Variants in DNAH9 observed in about 807,000 individuals in gnomAD.
DNAH9 encodes the protein DNAH9 variant protein.
A neutral mutation model predicts 471.6 loss-of-function variants in DNAH9; 345 were observed. That is an observed-to-expected ratio of 0.73 (90% CI 0.67 to 0.80). The LOEUF is 0.80. Ranked by LOEUF, DNAH9 falls within the 30% of genes least tolerant of loss-of-function variation. The pLI is 0.00. For missense variants in DNAH9, 5,407 were observed against 5,609.2 expected, an observed-to-expected ratio of 0.96 and a Z score of 1.15; for synonymous variants, 2,093 against 2,123.6, an observed-to-expected ratio of 0.99 and a Z score of 0.40.
At chr17:11,920,270 A>T (rs1025703482) in intron 61 of DNAH9, among the ~76,000 whole-genome samples, 1 of 151,652 alleles carries the variant, frequency 6.6e-6, no homozygotes, top group African/African-American at 2.4e-5. Flanking sequence ...TCCCGACCTC[A>T]GGTGATCCAC....
At chr17:11,725,785 T>A (rs775934587) in intron 27 of DNAH9, among the ~76,000 whole-genome samples, 3 of 152,088 alleles carry the variant, frequency 2.0e-5, no homozygotes, top group Non-Finnish European at 4.4e-5. Context: ...CAGAATTGCT[T>A]GAACCTGGGA....
At chr17:11,882,728 AACAGGGTAAT>A (rs1972769163) in intron 55 of DNAH9, among the ~76,000 whole-genome samples, 1 of 152,246 alleles carries the variant, frequency 6.6e-6, no homozygotes, top group Non-Finnish European at 1.5e-5. Context: ...AAGAAAATAA[AACAGGGTAAT>A]ACTGGAAAGC....
intron 6 of DNAH9, among the ~76,000 whole-genome samples, chr17:11,629,093 T>A (rs1362804717): frequency 6.6e-6 from 1 of 152,170 alleles, no homozygotes; most frequent in African/African-American, 2.4e-5. Flanking sequence ...ACTCTTTTTT[T>A]TTTTTACTTC....
At position 11,945,902 on chromosome 17, in the gene DNAH9, CA is replaced by C. The variant is rs925748441; in HGVS notation, c.12843+3428del. 6.6e-3 allele frequency among the ~76,000 whole-genome samples: 937 copies of C among 142,854 alleles called. 9 individuals carry two copies. The highest frequency in any genetic ancestry group is 0.04 in the Middle Eastern group (11 of 278). 93.7% of individuals were successfully genotyped at this position (142,854 alleles called of 152,430 possible). On this transcript the variant is annotated intron_variant, in intron 67 of 68. Transcript: ENST00000262442. ...TGAAACCCCGTCTCTACTAAAAATA[CA>C]AAAAAAAAAATTAGCCGGGCGTAGT...
In DNAH9 at chr17:11,880,264, T is replaced by C. The variant is rs1375646595; in HGVS notation, c.10601+64T>C. 5 of 1,586,820 alleles carry C rather than the reference T, an allele frequency of 3.2e-6. No individual in the cohort carries two copies. In the African/African-American group the frequency reaches 5.4e-5, roughly 17 times the overall value. ...TGGTTCATGGCCCTGGTTAGAATCA[T>C]GAAGAGGTCTGCTCTTCCTAGAATT... On this transcript the variant is annotated intron_variant, in intron 54 of 68. Coordinates refer to ENST00000262442, the MANE Select transcript of DNAH9 (RefSeq NM_001372.4).
At chr17:11,936,154 G>A (rs901130644) in intron 65 of DNAH9, among the ~76,000 whole-genome samples, 4 of 152,158 alleles carry the variant, frequency 2.6e-5, no homozygotes, top group African/African-American at 9.7e-5. Flanking sequence ...CATCTACATA[G>A]AGTCCAGGCC....
intron 20 of DNAH9, 48 bp from the exon 21 acceptor site, chr17:11,693,820 G>T (rs2074379585): frequency 6.2e-7 from 1 of 1,611,036 alleles, no homozygotes; most frequent in African/African-American, 1.3e-5. Context: ...GGAGCTTCTA[G>T]GAACTGAGTG....
rs145063976 is a variant in DNAH9 at position 11,916,549 on chromosome 17, T to C, written c.11750-7265T>C. 2.7e-3 allele frequency among the ~76,000 whole-genome samples: 415 copies of C among 152,354 alleles called. 3 individuals carry two copies. The highest frequency in any genetic ancestry group is 0.014 in the Middle Eastern group (4 of 294). On this transcript the variant is annotated intron_variant, in intron 61 of 68. Transcript: ENST00000262442. ...CCTGATGGGCTCCTAGTCTCAAGTCTGGAATCCACATGGCTGATCTAAACA... is the reference window on the plus strand; with the variant it reads ...CCTGATGGGCTCCTAGTCTCAAGTCCGGAATCCACATGGCTGATCTAAACA...
rs374401567 is a variant in DNAH9 at position 11,883,538 on chromosome 17, G to C, written c.10807-48G>C. ...CTATTCAGACACATCCTTAGAGCAG[G>C]ATGCCCTGGGCATCTGCACCTGACT... On this transcript the variant is annotated intron_variant, in intron 55 of 68. Coordinates refer to ENST00000262442, the MANE Select transcript of DNAH9 (RefSeq NM_001372.4). The C allele has an allele frequency of 1.0e-5, 16 of 1,603,810 alleles. No homozygotes were observed. The African/African-American group carries it at 2.1e-4, about 21-fold the overall frequency.
rs772200118 is a variant in DNAH9, at chr17:11,680,737, A to G, written c.3591A>G (p.Lys1197=). ...VFKQLEELPE[K]WNNIKKVAIT... Reference sequence around the variant, plus strand: ...TTCCTTTGCAGGAGCTGCCTGAGAAATGGAACAACATAAAAAAGGTGGCCA... The same window carrying G: ...TTCCTTTGCAGGAGCTGCCTGAGAAGTGGAACAACATAAAAAAGGTGGCCA... Residue 1197 remains lysine (K), a synonymous_variant, in exon 19 of 69, where the codon AAA becomes AAG. Transcript: ENST00000262442. 3.7e-6 allele frequency: 6 copies of G among 1,613,936 alleles called. No individual in the cohort carries two copies. In the African/African-American group the frequency reaches 5.3e-5, roughly 14 times the overall value.
intron 67 of DNAH9, among the ~76,000 whole-genome samples, chr17:11,960,568 T>A (rs1046509869): frequency 2.0e-5 from 3 of 150,988 alleles, no homozygotes; most frequent in Non-Finnish European, 4.4e-5. Context: ...GAGACCAGCC[T>A]GGCCAACATG....
chr17:11,835,618 C>T (rs1295037330), intron 49 of DNAH9, among the ~76,000 whole-genome samples: 1 of 152,142 alleles, frequency 6.6e-6, no homozygotes, highest in African/African-American at 2.4e-5. Flanking sequence ...CAGTCAGACT[C>T]AAGTCATTAT....
chr17:11,610,013 G>A (rs548915842), intron 2 of DNAH9, among the ~76,000 whole-genome samples: 1 of 152,230 alleles, frequency 6.6e-6, no homozygotes, highest in Non-Finnish European at 1.5e-5. Context: ...TCGAGAGCTT[G>A]CTGTCACTGG....
chr17:11,605,520 A>G (rs1237106401), intron 1 of DNAH9, among the ~76,000 whole-genome samples: 2 of 151,780 alleles, frequency 1.3e-5, no homozygotes, highest in East Asian at 3.9e-4. Flanking sequence ...TTGTTTCGAG[A>G]CAGGGTCTCA....
At chr17:11,683,899 T>C (rs1325836960) in intron 19 of DNAH9, among the ~76,000 whole-genome samples, 1 of 152,238 alleles carries the variant, frequency 6.6e-6, no homozygotes, top group Non-Finnish European at 1.5e-5. Flanking sequence ...AATGGAATTG[T>C]AGATTTATCA....
intron 8 of DNAH9, among the ~76,000 whole-genome samples, chr17:11,634,772 G>A (rs1467640486): frequency 2.6e-5 from 4 of 152,168 alleles, no homozygotes; most frequent in African/African-American, 4.8e-5. Flanking sequence ...ATCTGGCCAA[G>A]GACCCCATAT....
chr17:11,958,742 AAAT>A (rs1294830579), intron 67 of DNAH9, among the ~76,000 whole-genome samples: 3 of 151,854 alleles, frequency 2.0e-5, no homozygotes, highest in Non-Finnish European at 4.4e-5. Context: ...AAAAAAAAAA[AAAT>A]AAAGTATATT....
intron 14 of DNAH9, among the ~76,000 whole-genome samples, chr17:11,659,665 G>A (rs949183928): frequency 2.6e-5 from 4 of 152,148 alleles, no homozygotes; most frequent in Admixed American, 2.0e-4. Flanking sequence ...TCACAGCTAC[G>A]CTTGATGCAC....
chr17:11,601,933 T>A (rs1477442940), intron 1 of DNAH9, among the ~76,000 whole-genome samples: 6 of 152,290 alleles, frequency 3.9e-5, no homozygotes, highest in Admixed American at 3.9e-4. Context: ...GCTGTAATTT[T>A]AATATTATTT....
Sources: gnomAD v4.1 joint callset for allele counts (sites outside exome capture counted in the v4.1 genomes callset) on GRCh38, gnomAD v4.1.1 for gene constraint, MANE v1.5 for transcripts, NCBI Gene and HGNC (gene_info 2026-07-23, HGNC 2026-07-21) for gene names.